Variants in LRRTM4 observed in about 807,000 individuals in gnomAD.
LRRTM4 encodes leucine rich repeat transmembrane neuronal 4.
In LRRTM4, 25 loss-of-function variants were observed where a neutral mutation model predicts 47.6. That is an observed-to-expected ratio of 0.53 (90% CI 0.38 to 0.73). LRRTM4 has a LOEUF of 0.73. Among genes scored for constraint, LRRTM4 ranks in the 30% least tolerant of loss-of-function variants. The pLI, the probability that LRRTM4 is intolerant of heterozygous loss-of-function variation, is 0.00. For missense variants in LRRTM4, 638 were observed against 713.4 expected (o/e 0.89, Z 1.20); for synonymous variants, 311 against 269.5 (o/e 1.15, Z -1.51).
Position 77,036,056 on chromosome 2 carries a change from T to C in LRRTM4, c.1552-287140A>G, listed in dbSNP as rs1320244514. On this transcript the variant is annotated intron_variant, in intron 3 of 3. Coordinates refer to ENST00000409884, the MANE Select transcript of LRRTM4 (RefSeq NM_001134745.3). ...CCACAGTGATGTGGATGTTACTACATAAAAGCTAAAGAATACAAATTGATA... is the reference window on the plus strand; with the variant it reads ...CCACAGTGATGTGGATGTTACTACACAAAAGCTAAAGAATACAAATTGATA... Among the ~76,000 whole-genome samples the C allele has an allele frequency of 3.3e-5, 5 of 151,768 alleles. No homozygotes were observed. In the East Asian group the frequency reaches 9.6e-4, roughly 29 times the overall value.
intron 3 of LRRTM4, among the ~76,000 whole-genome samples, chr2:77,132,855 A>C (rs1671839324): frequency 6.6e-6 from 1 of 152,184 alleles, no homozygotes; most frequent in African/African-American, 2.4e-5. Context: ...AAGGAAAATA[A>C]GAGACAGAAA....
chr2:76,883,913 G>A (rs1672998364), intron 3 of LRRTM4, among the ~76,000 whole-genome samples: 1 of 151,952 alleles, frequency 6.6e-6, no homozygotes, highest in Non-Finnish European at 1.5e-5. Context: ...CAAACTCATG[G>A]GTTCAAATGA....
intron 3 of LRRTM4, among the ~76,000 whole-genome samples, chr2:77,199,081 G>A (rs367794207): frequency 1.3e-5 from 2 of 152,056 alleles, no homozygotes; most frequent in Non-Finnish European, 2.9e-5. Flanking sequence ...AAACTTTCCT[G>A]TGTTTTTCTG....
intron 3 of LRRTM4, among the ~76,000 whole-genome samples, chr2:76,876,538 A>G (rs1447555152): frequency 6.6e-6 from 1 of 152,136 alleles, no homozygotes; most frequent in African/African-American, 2.4e-5. Context: ...TGTATTTGAT[A>G]CACAAAATTA....
intron 3 of LRRTM4, among the ~76,000 whole-genome samples, chr2:77,001,723 G>C (rs1230215363): frequency 6.6e-6 from 1 of 152,084 alleles, no homozygotes; most frequent in African/African-American, 2.4e-5. Flanking sequence ...AGACACTGAA[G>C]GACAAAGAAT....
At chr2:77,401,324 T>C (rs1673944081) in intron 3 of LRRTM4, among the ~76,000 whole-genome samples, 1 of 151,986 alleles carries the variant, frequency 6.6e-6, no homozygotes, top group African/African-American at 2.4e-5. Context: ...ACTTAAATGG[T>C]TAATCTCTTA....
At chr2:76,848,994 T>C (rs1169850826) in intron 3 of LRRTM4, among the ~76,000 whole-genome samples, 1 of 152,112 alleles carries the variant, frequency 6.6e-6, no homozygotes, top group Non-Finnish European at 1.5e-5. Flanking sequence ...CATCTGTACA[T>C]TCCCTGTTAT....
chr2:76,945,780 T>C (rs1675304078), intron 3 of LRRTM4, among the ~76,000 whole-genome samples: 1 of 151,944 alleles, frequency 6.6e-6, no homozygotes, highest in Admixed American at 6.6e-5. Flanking sequence ...TGTGTATGTG[T>C]ATGTATTTAT....
At chr2:76,794,552 TTATTAATTCTA>T (rs1675162185) in intron 3 of LRRTM4, among the ~76,000 whole-genome samples, 1 of 152,226 alleles carries the variant, frequency 6.6e-6, no homozygotes, top group Admixed American at 6.5e-5. Context: ...TTGAATTGCT[TTATTAATTCTA>T]TATGCTTTTT....
intron 3 of LRRTM4, among the ~76,000 whole-genome samples, chr2:77,080,936 T>C (rs977853495): frequency 5.3e-5 from 8 of 152,158 alleles, no homozygotes; most frequent in African/African-American, 1.9e-4. Context: ...CTTTTGTGCT[T>C]GCTCTTTACT....
At chr2:77,258,779 G>A (rs962968763) in intron 3 of LRRTM4, among the ~76,000 whole-genome samples, 3 of 151,576 alleles carry the variant, frequency 2.0e-5, no homozygotes, top group South Asian at 2.1e-4. Flanking sequence ...TACAAGTTCC[G>A]CAACTCAAAT....
At chr2:76,797,297 T>G (rs1393548776) in intron 3 of LRRTM4, among the ~76,000 whole-genome samples, 3 of 151,002 alleles carry the variant, frequency 2.0e-5, no homozygotes, top group East Asian at 2.0e-4. Flanking sequence ...CAGAAGAGAG[T>G]GGGGGCCAAT....
At chr2:77,003,236 C>CT (rs777369090) in intron 3 of LRRTM4, among the ~76,000 whole-genome samples, 9 of 151,778 alleles carry the variant, frequency 5.9e-5, no homozygotes, top group Non-Finnish European at 8.8e-5. Context: ...ATAATTTAAG[C>CT]TTTTTTTATA....
At chr2:76,948,406 T>C (rs868811432) in intron 3 of LRRTM4, among the ~76,000 whole-genome samples, 14 of 151,886 alleles carry the variant, frequency 9.2e-5, no homozygotes, top group Admixed American at 3.3e-4. Flanking sequence ...CATTGAAATG[T>C]GTTGGGCCTA....
chr2:77,192,408 C>T (rs774796533), intron 3 of LRRTM4, among the ~76,000 whole-genome samples: 10 of 151,564 alleles, frequency 6.6e-5, no homozygotes, highest in Non-Finnish European at 1.2e-4. Flanking sequence ...GAAACAACAT[C>T]GGGTACTTCC....
chr2:77,179,257 C>T (rs1465188148), intron 3 of LRRTM4, among the ~76,000 whole-genome samples: 1 of 152,128 alleles, frequency 6.6e-6, no homozygotes, highest in Non-Finnish European at 1.5e-5. Context: ...AACACGTCAG[C>T]AAGCAAATTC....
chr2:77,346,746 T>G (rs1334416317), intron 3 of LRRTM4, among the ~76,000 whole-genome samples: 1 of 152,132 alleles, frequency 6.6e-6, no homozygotes, highest in East Asian at 1.9e-4. Flanking sequence ...GGGGTTTCAT[T>G]AAGTAATAAT....
intron 3 of LRRTM4, among the ~76,000 whole-genome samples, chr2:76,823,853 A>T (rs1261663072): frequency 2.6e-5 from 4 of 151,570 alleles, no homozygotes; most frequent in Non-Finnish European, 4.4e-5. Flanking sequence ...TAGATAAAAT[A>T]GCACTTAAAA....
intron 3 of LRRTM4, among the ~76,000 whole-genome samples, chr2:76,918,366 C>A (rs1174566832): frequency 1.3e-5 from 2 of 152,094 alleles, no homozygotes; most frequent in Admixed American, 1.3e-4. Context: ...AATTTACTTT[C>A]TGTCAACTCA....
Sources: gnomAD v4.1 joint callset for allele counts (sites outside exome capture counted in the v4.1 genomes callset) on GRCh38, gnomAD v4.1.1 for gene constraint, MANE v1.5 for transcripts, NCBI Gene and HGNC (gene_info 2026-07-23, HGNC 2026-07-21) for gene names.